The following CIP2A variants were observed in gnomAD, a reference collection of about 807,000 sequenced individuals.
CIP2A encodes cellular inhibitor of PP2A, also known as protein CIP2A.
In CIP2A, 103 loss-of-function variants were observed where a neutral mutation model predicts 110.9. That is an observed-to-expected ratio of 0.93 (90% CI 0.79 to 1.09). The LOEUF (loss-of-function observed/expected upper bound fraction) is 1.09. Among genes scored for constraint, CIP2A ranks in the 50% least tolerant of loss-of-function variants. The pLI is 0.00. For synonymous variants in CIP2A, 381 were observed against 361.6 expected, an observed-to-expected ratio of 1.05 and a Z score of -0.61; for missense variants, 1,088 against 1,038.4, an observed-to-expected ratio of 1.05 and a Z score of -0.66.
chr3:108,566,066 C>T (rs1033890744), intron 11 of CIP2A, among the ~76,000 whole-genome samples: 5 of 151,580 alleles, frequency 3.3e-5, no homozygotes, highest in Non-Finnish European at 5.9e-5. Flanking sequence ...CACCTTTAAC[C>T]ATAATTCCTG....
At chr3:108,558,461 T>C (rs936541631) in intron 16 of CIP2A, among the ~76,000 whole-genome samples, 3 of 152,166 alleles carry the variant, frequency 2.0e-5, no homozygotes, top group African/African-American at 7.2e-5. Flanking sequence ...TCTTAAGGTA[T>C]ACATTATATA....
rs1406702433 is a variant in CIP2A, at chr3:108,583,180, A to C, written c.251-97T>G. 57 of 580,218 alleles carry C rather than the reference A, an allele frequency of 9.8e-5. 1 individual carries two copies. Among genetic ancestry groups the C allele is most frequent in the South Asian group, 9.4e-4 (21 of 22,400 alleles). The allele number at this position is 580,218 out of a possible 1,614,324, so 35.9% of individuals were successfully genotyped here. ...TATTTCATATGAATTTATTATTAAA[A>C]AAGGTATGATATGGCTATTTTCTTA... On this transcript the variant is annotated intron_variant, in intron 2 of 20. Coordinates refer to ENST00000295746, the MANE Select transcript of CIP2A (RefSeq NM_020890.3).
rs540391929 is a variant in CIP2A, at chr3:108,581,186, A to G, written c.549+229T>C. ...GCCATGCTGAGGAAAACTTTTAGAA[A>G]TAAGTGTTTGCATTAACCCTTAACA... is the stretch of plus-strand genomic sequence containing the variant. On this transcript the variant is annotated intron_variant, in intron 5 of 20. Coordinates refer to ENST00000295746, the MANE Select transcript of CIP2A (RefSeq NM_020890.3). Among the ~76,000 whole-genome samples, 206 of 152,332 alleles carry G rather than the reference A, an allele frequency of 1.4e-3. 1 individual carries two copies. The Middle Eastern group carries it at 0.014, about 10-fold the overall frequency.
intron 16 of CIP2A, 145 bp from the exon 17 acceptor site, chr3:108,557,559 G>T: frequency 2.0e-6 from 1 of 501,318 alleles, no homozygotes; most frequent in East Asian, 3.0e-5. Context: ...ATATACTTAG[G>T]ACTTTACTTC....
Position 108,557,211 on chromosome 3 carries a change from T to A in CIP2A, c.2210+7A>T. On this transcript the variant is annotated splice_region_variant and intron_variant, in intron 17 of 20. Transcript: ENST00000295746. ...TAACCTTACACAGAAGATTTTACTT[T>A]ATTTACCTCTGAAGAAGTTCCATGT... The A allele has an allele frequency of 6.5e-7, 1 of 1,545,144 alleles. No individual in the cohort carries two copies. Among genetic ancestry groups the A allele is most frequent in the Middle Eastern group, 1.7e-4 (1 of 5,800 alleles).
In CIP2A at chr3:108,551,265, C is replaced by G; in HGVS notation, c.2602G>C (p.Glu868Gln). 4 of 1,612,456 alleles carry G rather than the reference C, an allele frequency of 2.5e-6. No individual in the cohort carries two copies. The highest frequency in any genetic ancestry group is 3.4e-6 in the Non-Finnish European group (4 of 1,179,004). The change falls in exon 21 of 21, where the codon GAG becomes CAG. Residue 868 changes from glutamate to glutamine, a missense_variant. By Grantham distance (29) the Glu-to-Gln change is conservative. Coordinates refer to ENST00000295746, the MANE Select transcript of CIP2A (RefSeq NM_020890.3). ...AQLEGRLEEKESLVKLQQEEL... is the reference protein window; with the variant it reads ...AQLEGRLEEKQSLVKLQQEEL... ...TCTTGCTGAAGTTTCACCAAGGACT[C>G]TTTCTCTTCCAAACGACCTTCTAAT...
Position 108,581,526 on chromosome 3 carries a change from T to G in CIP2A, c.453-15A>C, listed in dbSNP as rs377224133. 4.0e-6 allele frequency: 6 copies of G among 1,508,132 alleles called. No homozygotes were observed. Among genetic ancestry groups the G allele is most frequent in the Non-Finnish European group, 4.6e-6 (5 of 1,089,070 alleles). 93.4% of individuals were successfully genotyped at this position (1,508,132 alleles called of 1,614,324 possible). A position where few individuals can be genotyped will look rare whatever the true frequency, so the allele number is the denominator to read the frequency against. ...CAGAAGATTGACTGTTGTTTTACAT[T>G]GGTGTTTTGTTTAAAGAAAAAATAG... On this transcript the variant is annotated splice_polypyrimidine_tract_variant and intron_variant, in intron 4 of 20. Coordinates refer to ENST00000295746, the MANE Select transcript of CIP2A (RefSeq NM_020890.3).
chr3:108,589,141 G>C (rs905842829), intron 1 of CIP2A, 133 bp downstream of exon 1: 2 of 660,242 alleles, frequency 3.0e-6, no homozygotes, highest in African/African-American at 3.6e-5. Context: ...GCCTTTACCA[G>C]TACGAAAAGA....
At position 108,569,565 on chromosome 3, in the gene CIP2A, G is replaced by A. The variant is rs147942716; in HGVS notation, c.937C>T (p.Arg313Cys). The A allele has an allele frequency of 4.3e-5, 69 of 1,612,458 alleles. No homozygotes were observed. The Middle Eastern group carries it at 4.9e-4, about 12-fold the overall frequency. ...LLAFCSVTQLRHMLTQMMFEQ... is the reference protein window; with the variant it reads ...LLAFCSVTQLCHMLTQMMFEQ... ...AACATCATCTGAGTGAGCATATGGC[G>A]CAGCTGAGTCACTGAACAGAAGGCA... is the stretch of plus-strand genomic sequence containing the variant. Residue 313 changes from arginine (R) to cysteine (C), a missense_variant, in exon 9 of 21, where the codon CGC (arginine) becomes TGC (cysteine). Transcript: ENST00000295746.
chr3:108,569,372 G>C lies in CIP2A; in HGVS notation c.1113+17C>G. 6.4e-7 allele frequency: 1 copy of C among 1,563,246 alleles called. No homozygotes were observed. The highest frequency in any genetic ancestry group is 1.4e-5 in the African/African-American group (1 of 73,734). On this transcript the variant is annotated intron_variant, in intron 9 of 20. Coordinates refer to ENST00000295746, the MANE Select transcript of CIP2A (RefSeq NM_020890.3). Reference sequence around the variant, plus strand: ...GTCACAAAAGTAGAAAAGTCAATCTGTCAGTCATCCTATTACCTCAAATAT... The same window carrying C: ...GTCACAAAAGTAGAAAAGTCAATCTCTCAGTCATCCTATTACCTCAAATAT...
In CIP2A at chr3:108,585,161, T is replaced by C. The variant is rs1231286375; in HGVS notation, c.154A>G (p.Thr52Ala). The C allele has an allele frequency of 1.2e-6, 2 of 1,613,282 alleles. No homozygotes were observed. The highest frequency in any genetic ancestry group is 1.7e-6 in the Non-Finnish European group (2 of 1,179,388). ...ACAAGGCAACTCAAGCATTCACTTG[T>C]TAATATCTGATTTGATGTAAATAGT... ...TRLFTSNQILTSECLSCLVEL... is the reference protein window; with the variant it reads ...TRLFTSNQILASECLSCLVEL... The change falls in exon 2 of 21, where the codon ACA (threonine) becomes GCA (alanine). Residue 52 changes from threonine to alanine, a missense_variant. Coordinates refer to ENST00000295746, the MANE Select transcript of CIP2A (RefSeq NM_020890.3).
chr3:108,576,486 C>G (rs1373652413), intron 7 of CIP2A, 140 bp from the exon 8 acceptor site: 1 of 449,772 alleles, frequency 2.2e-6, no homozygotes, highest in African/African-American at 2.1e-5. Context: ...AGAACACACT[C>G]CTGTAAAGTT....
chr3:108,575,483 T>A (rs182820616), intron 8 of CIP2A, among the ~76,000 whole-genome samples: 1 of 149,302 alleles, frequency 6.7e-6, no homozygotes, highest in Non-Finnish European at 1.5e-5. Context: ...TATACACATA[T>A]ATGCACACAT....
intron 8 of CIP2A, among the ~76,000 whole-genome samples, chr3:108,572,947 G>C (rs960797261): frequency 5.9e-5 from 9 of 151,850 alleles, no homozygotes; most frequent in Non-Finnish European, 1.2e-4. Context: ...TAGATTTTTG[G>C]TAATTACTCT....
intron 4 of CIP2A, 133 bp from the exon 5 acceptor site, chr3:108,581,644 T>C: frequency 1.7e-6 from 1 of 588,994 alleles, no homozygotes; most frequent in Non-Finnish European, 3.0e-6. Flanking sequence ...AAAAAAAAAC[T>C]AATTAACATA....
Position 108,569,614 on chromosome 3 carries a change from A to G in CIP2A, c.895-7T>C. On this transcript the variant is annotated splice_region_variant and splice_polypyrimidine_tract_variant and intron_variant, in intron 8 of 20. Transcript: ENST00000295746. ...CAAGAAGTAATTCTAAAACCTGTGCAATATAAAGTGTTCATTAAACATCAA... is the reference window on the plus strand; with the variant it reads ...CAAGAAGTAATTCTAAAACCTGTGCGATATAAAGTGTTCATTAAACATCAA... 1.2e-6 allele frequency: 2 copies of G among 1,604,642 alleles called. No individual in the cohort carries two copies. The highest frequency in any genetic ancestry group is 2.2e-5 in the East Asian group (1 of 44,676).
chr3:108,562,252 G>T (rs1418169947), intron 13 of CIP2A, among the ~76,000 whole-genome samples: 1 of 152,082 alleles, frequency 6.6e-6, no homozygotes, highest in Non-Finnish European at 1.5e-5. Flanking sequence ...GGTCAAGATA[G>T]TAAGTATTTT....
chr3:108,585,705 T>C (rs2107373545), intron 1 of CIP2A: 2 of 456,594 alleles, frequency 4.4e-6, no homozygotes, highest in Non-Finnish European at 8.8e-6. Flanking sequence ...CAGAGGGTAG[T>C]TATGGGATTA....
intron 12 of CIP2A, among the ~76,000 whole-genome samples, chr3:108,565,051 C>A (rs1302312124): frequency 6.6e-6 from 1 of 151,766 alleles, no homozygotes; most frequent in Admixed American, 6.6e-5. Flanking sequence ...CCTCCAATGC[C>A]AACAGAAACA....
Sources: gnomAD v4.1 joint callset for allele counts (sites outside exome capture counted in the v4.1 genomes callset) on GRCh38, gnomAD v4.1.1 for gene constraint, MANE v1.5 for transcripts, NCBI Gene and HGNC (gene_info 2026-07-23, HGNC 2026-07-21) for gene names.